ALS2: variants seen among roughly 807,000 people sequenced by gnomAD.
ALS2 encodes alsin Rho guanine nucleotide exchange factor ALS2, also known as alsin.
Under a neutral mutation model 203.4 loss-of-function variants are expected in ALS2, and 117 were observed. The observed-to-expected ratio is 0.58, with a 90% confidence interval of 0.50 to 0.67. ALS2 has a LOEUF of 0.67. Among genes scored for constraint, ALS2 ranks in the 30% least tolerant of loss-of-function variants. ALS2 has a pLI of 0.00. For synonymous variants in ALS2, 718 were observed against 725.9 expected, an observed-to-expected ratio of 0.99 and a Z score of 0.17; for missense variants, 1,715 against 1,989.4, an observed-to-expected ratio of 0.86 and a Z score of 2.62.
Position 201,760,965 on chromosome 2 carries a change from T to C in ALS2, c.1029A>G (p.Gln343=). ...GTTTCCGTAGGTATTCATTGACTGC[T>C]TGGGTGTCAGGGTATGATGGTATGT... ...ARNIPSYPDT[Q]AVNEYLRKLS... The change falls in exon 4 of 34, where the codon CAA becomes CAG. Residue 343 remains glutamine (Q), a synonymous_variant. Coordinates refer to ENST00000264276, the MANE Select transcript of ALS2 (RefSeq NM_020919.4). The C allele has an allele frequency of 1.2e-6, 2 of 1,614,180 alleles. No individual in the cohort carries two copies. Among genetic ancestry groups the C allele is most frequent in the Non-Finnish European group, 1.7e-6 (2 of 1,180,022 alleles).
chr2:201,773,243 G>A lies in ALS2; in HGVS notation c.-60-4298C>T, dbSNP rs553831869. Among the ~76,000 whole-genome samples the A allele has an allele frequency of 2.6e-5, 4 of 152,286 alleles. No individual in the cohort carries two copies. In the South Asian group the frequency reaches 8.3e-4, roughly 32 times the overall value. On this transcript the variant is annotated intron_variant, in intron 1 of 33. Coordinates refer to ENST00000264276, the MANE Select transcript of ALS2 (RefSeq NM_020919.4). ...GTGAACACTCACGGAGCACCAAAAT[G>A]AATTTTTGCAAGGAATATCCTGCCT... is the stretch of plus-strand genomic sequence containing the variant.
At position 201,707,038 on chromosome 2, in the gene ALS2, G is replaced by C; in HGVS notation, c.4404-16C>G. 1.9e-6 allele frequency: 3 copies of C among 1,607,990 alleles called. No homozygotes were observed. ...TACTACATAACTACAAAATAATGGA[G>C]TGGGAGAAAAGGAGCATTTTTCATA... On this transcript the variant is annotated splice_polypyrimidine_tract_variant and intron_variant, in intron 28 of 33. Coordinates refer to ENST00000264276, the MANE Select transcript of ALS2 (RefSeq NM_020919.4).
chr2:201,749,286 AT>A (rs1692873894), intron 8 of ALS2, among the ~76,000 whole-genome samples: 1 of 152,192 alleles, frequency 6.6e-6, no homozygotes, highest in South Asian at 2.1e-4. Context: ...ACAAAAAAAA[AT>A]GTTTTACTAC....
At chr2:201,717,643 A>C in intron 24 of ALS2, among the ~76,000 whole-genome samples, 1 of 151,006 alleles carries the variant, frequency 6.6e-6, no homozygotes. Context: ...GTTTAAGAAA[A>C]AAAAAAAAAA....
intron 11 of ALS2, among the ~76,000 whole-genome samples, chr2:201,740,938 C>T (rs901788181): frequency 6.6e-6 from 1 of 152,074 alleles, no homozygotes; most frequent in East Asian, 1.9e-4. Context: ...TGGAGCTCCC[C>T]GCAAATGCCT....
chr2:201,727,356 A>T, intron 16 of ALS2, 78 bp from the exon 17 acceptor site: 1 of 1,214,878 alleles, frequency 8.2e-7, no homozygotes, highest in Non-Finnish European at 1.2e-6. Flanking sequence ...TATGAAAAGC[A>T]ACCTCTTTAT....
chr2:201,725,877 AGAATTTACAT>A (rs1691130717), intron 19 of ALS2, among the ~76,000 whole-genome samples: 1 of 152,212 alleles, frequency 6.6e-6, no homozygotes, highest in African/African-American at 2.4e-5. Context: ...ACACATCACA[AGAATTTACAT>A]GATCACACAG....
At chr2:201,726,893 G>A (rs770859996) in intron 17 of ALS2, 27 bp from the exon 18 acceptor site, 2 of 1,591,156 alleles carry the variant, frequency 1.3e-6, no homozygotes, top group South Asian at 1.1e-5. Flanking sequence ...ACGTCAATAA[G>A]TTTAAGGCAA....
rs143615148 is a variant in ALS2 at position 201,733,897 on chromosome 2, C to A, written c.2418-459G>T. On this transcript the variant is annotated intron_variant, in intron 12 of 33. Transcript: ENST00000264276. ...GTGGATATTAAAACACTTCTAATTT[C>A]TTCTTTTTTCCTTCAATTATTGATC... Among the ~76,000 whole-genome samples, 14 of 152,274 alleles carry A rather than the reference C, an allele frequency of 9.2e-5. 1 individual carries two copies. In the East Asian group the frequency reaches 2.7e-3, roughly 29 times the overall value.
intron 25 of ALS2, among the ~76,000 whole-genome samples, 175 bp from the exon 26 acceptor site, chr2:201,711,283 T>C (rs1377379861): frequency 6.6e-6 from 1 of 152,248 alleles, no homozygotes; most frequent in African/African-American, 2.4e-5. Flanking sequence ...TCAGTTTACA[T>C]AACATTCATT....
At chr2:201,717,830 C>G (rs1457769557) in intron 24 of ALS2, among the ~76,000 whole-genome samples, 1 of 151,820 alleles carries the variant, frequency 6.6e-6, no homozygotes, top group Non-Finnish European at 1.5e-5. Context: ...GTCCCAGCTA[C>G]TAGGGAAGCT....
rs1485169534 is a variant in ALS2 at position 201,767,402 on chromosome 2, T to C, written c.21-19A>G. 16 of 1,612,776 alleles carry C rather than the reference T, an allele frequency of 9.9e-6. No homozygotes were observed. Among genetic ancestry groups the C allele is most frequent in the Non-Finnish European group, 1.4e-5 (16 of 1,179,012 alleles). ...TGTTGAGCTAAAACATCAAGAAACA[T>C]AGCTTAATTGTTTCTACAATTCAGA... is the stretch of plus-strand genomic sequence containing the variant. On this transcript the variant is annotated intron_variant, in intron 2 of 33. Coordinates refer to ENST00000264276, the MANE Select transcript of ALS2 (RefSeq NM_020919.4).
In ALS2 at chr2:201,761,117, T is replaced by G. The variant is rs756294773; in HGVS notation, c.877A>C (p.Thr293Pro). The stretch of plus-strand genomic sequence containing the variant: ...ACAGACTGATCATTTGCTACAAGAG[T>G]GTTCTCAAATACTTCTTCCTGCCTG... ...LDRQEEVFEN[T>P]LVANDQSVAT... is the part of the protein sequence containing the mutation. The change falls in exon 4 of 34, where the codon ACT (threonine) becomes CCT (proline). Residue 293 changes from threonine (T) to proline (P), a missense_variant. Thr to Pro is a conservative substitution (Grantham distance 38, BLOSUM62 -1). Around this residue, in one of 3 missense-constraint regions of ALS2, gnomAD observed 476 missense variants for 539.3 expected, o/e 0.88. Transcript: ENST00000264276. 1.9e-6 allele frequency: 3 copies of G among 1,613,960 alleles called. No individual in the cohort carries two copies. The highest frequency in any genetic ancestry group is 2.5e-6 in the Non-Finnish European group (3 of 1,180,022).
At position 201,761,116 on chromosome 2, in the gene ALS2, G is replaced by C. The variant is rs537187775; in HGVS notation, c.878C>G (p.Thr293Ser). ...LDRQEEVFEN[T>S]LVANDQSVAT... ...AACAGACTGATCATTTGCTACAAGA[G>C]TGTTCTCAAATACTTCTTCCTGCCT... is the stretch of plus-strand genomic sequence containing the variant. The change falls in exon 4 of 34, where the codon ACT (threonine) becomes AGT (serine). Residue 293 changes from threonine to serine, a missense_variant. Coordinates refer to ENST00000264276, the MANE Select transcript of ALS2 (RefSeq NM_020919.4). The C allele has an allele frequency of 8.1e-6, 13 of 1,614,210 alleles. No homozygotes were observed. The East Asian group carries it at 2.9e-4, about 36-fold the overall frequency.
chr2:201,738,810 G>A, intron 11 of ALS2, 75 bp from the exon 12 acceptor site: 1 of 1,230,042 alleles, frequency 8.1e-7, no homozygotes, highest in Non-Finnish European at 1.2e-6. Context: ...CACATACCTG[G>A]AATAGATAAT....
At position 201,764,297 on chromosome 2, in the gene ALS2, C is replaced by G. The variant is rs532346307; in HGVS notation, c.176-2479G>C. 3.9e-5 allele frequency among the ~76,000 whole-genome samples: 6 copies of G among 152,130 alleles called. No homozygotes were observed. The South Asian group carries it at 6.2e-4, about 16-fold the overall frequency. On this transcript the variant is annotated intron_variant, in intron 3 of 33. Transcript: ENST00000264276. Reference sequence around the variant, plus strand: ...TGCAAAGAAATGGATATTTAGATCCCTCTCCTTAAAAAACAAAAACAAAAA... The same window carrying G: ...TGCAAAGAAATGGATATTTAGATCCGTCTCCTTAAAAAACAAAAACAAAAA...
At chr2:201,728,203 G>A (rs1270361146) in intron 15 of ALS2, among the ~76,000 whole-genome samples, 2 of 151,976 alleles carry the variant, frequency 1.3e-5, no homozygotes, top group South Asian at 2.1e-4. Context: ...CCATTAACTC[G>A]TCACTTACAT....
In ALS2 at chr2:201,741,756, T is replaced by A; in HGVS notation, c.2269A>T (p.Ser757Cys). Residue 757 changes from serine to cysteine, a missense_variant, in exon 11 of 34, where the codon AGC becomes TGC. Ser to Cys is a moderately radical substitution (Grantham distance 112, BLOSUM62 -1). This residue lies in a region of ALS2 where 1,227 missense variants were observed against 1,413.5 expected (regional missense o/e 0.87). Transcript: ENST00000264276. The part of the protein sequence containing the change: ...YLIGQHGASL[S>C]SFLHGVKEAR... ...TCCTTTACCCCATGAAGGAAGCTGC[T>A]CAATGAGGCTCCATGCTGACCAATG... 1 of 1,614,164 alleles carries A rather than the reference T, an allele frequency of 6.2e-7. No individual in the cohort carries two copies. The highest frequency in any genetic ancestry group is 8.5e-7 in the Non-Finnish European group (1 of 1,180,026).
intron 6 of ALS2, 48 bp downstream of exon 6, chr2:201,754,455 A>T (rs1187958947): frequency 6.2e-7 from 1 of 1,612,164 alleles, no homozygotes; most frequent in East Asian, 2.2e-5. Context: ...CAGGAGAGAG[A>T]TTATTTGTTT....
Sources: allele counts gnomAD v4.1 joint callset (sites outside exome capture counted in the v4.1 genomes callset), GRCh38; gene constraint gnomAD v4.1.1; regional missense constraint gnomAD v4.1.1; transcripts MANE v1.5; gene names NCBI Gene and HGNC (gene_info 2026-07-23, HGNC 2026-07-21).